SLC27A2: variants seen among roughly 807,000 people sequenced by gnomAD.
The protein encoded by SLC27A2 is long-chain fatty acid transport protein 2.
In SLC27A2, 54 loss-of-function variants were observed where a neutral mutation model predicts 60.0. That is an observed-to-expected ratio of 0.90 (90% CI 0.72 to 1.13). SLC27A2 has a LOEUF of 1.13. Ranked by LOEUF, SLC27A2 falls within the 50% of genes most tolerant of loss-of-function variation. The pLI is 0.00. For synonymous variants in SLC27A2, 297 were observed against 297.6 expected (o/e 1.00, Z 0.02); for missense variants, 739 against 777.6 (o/e 0.95, Z 0.59).
rs11285958 is a variant in SLC27A2, at chr15:50,225,000, T to TA, written c.1168-977dup. Among the ~76,000 whole-genome samples the TA allele has an allele frequency of 6.6e-3, 983 of 147,970 alleles. 4 individuals are homozygous for TA. Among genetic ancestry groups the TA allele is most frequent in the African/African-American group, 0.021 (849 of 40,540 alleles). ...AGTTTTTCTACTTTAAGCAAAACAT[T>TA]AAAAAAAAAAACTTTAAAAACCGGA... On this transcript the variant is annotated intron_variant, in intron 5 of 9. Transcript: ENST00000267842.
In SLC27A2 at chr15:50,182,337, C is replaced by A; in HGVS notation, c.-91C>A. ...CCGCCGCGTGCGCCCCGGCGCAGCC[C>A]GCCAGTCCGCCCGGAGCCCGCCCAG... On this transcript the variant is annotated 5_prime_UTR_variant, in exon 1 of 10. Transcript: ENST00000267842. The A allele has an allele frequency of 7.3e-7, 1 of 1,361,556 alleles. No individual in the cohort carries two copies. The highest frequency in any genetic ancestry group is 9.5e-7 in the Non-Finnish European group (1 of 1,058,104). The allele number at this position is 1,361,556 out of a possible 1,614,324, so 84.3% of individuals were successfully genotyped here. A position where few individuals can be genotyped will look rare whatever the true frequency, so the allele number is the denominator to read the frequency against.
At chr15:50,234,894 C>T (rs748049633) in intron 9 of SLC27A2, among the ~76,000 whole-genome samples, 5 of 152,160 alleles carry the variant, frequency 3.3e-5, no homozygotes, top group African/African-American at 4.8e-5. Flanking sequence ...TGACAGATAG[C>T]GCAAATAGAA....
intron 4 of SLC27A2, among the ~76,000 whole-genome samples, chr15:50,214,392 AAAG>A (rs1425948830): frequency 6.6e-6 from 1 of 152,192 alleles, no homozygotes; most frequent in Non-Finnish European, 1.5e-5. Flanking sequence ...CCAGATGTTC[AAAG>A]AAGAATTGGT....
At chr15:50,195,138 AAAGGTAATTGCCAG>A in intron 1 of SLC27A2, among the ~76,000 whole-genome samples, 1 of 152,194 alleles carries the variant, frequency 6.6e-6, no homozygotes. Flanking sequence ...TTGGTGATGG[AAAGGTAATTGCCAG>A]AAGAAACAGC....
chr15:50,195,654 T>C (rs1002627594), intron 1 of SLC27A2, among the ~76,000 whole-genome samples: 2 of 152,092 alleles, frequency 1.3e-5, no homozygotes, highest in African/African-American at 4.8e-5. Flanking sequence ...GATTAAAATA[T>C]TTTTTTAAAT....
Position 50,226,088 on chromosome 15 carries a change from AC to A in SLC27A2, c.1258+11del. On this transcript the variant is annotated intron_variant, in intron 6 of 9. Transcript: ENST00000267842. ...GTCAGAGTTCCCAAAGGTACAGTGG[AC>A]TTTTGTTCAATCAACCTGTGCCCCT... 6.4e-7 allele frequency: 1 copy of A among 1,563,926 alleles called. No homozygotes were observed. The highest frequency in any genetic ancestry group is 1.7e-5 in the Admixed American group (1 of 59,744).
At chr15:50,185,621 CTTTTTTT>C (rs531026687) in intron 1 of SLC27A2, among the ~76,000 whole-genome samples, 4 of 95,768 alleles carry the variant, frequency 4.2e-5, no homozygotes, top group Non-Finnish European at 8.0e-5. Flanking sequence ...AGGAAGCTTA[CTTTTTTT>C]TTTTTTTTTT....
intron 4 of SLC27A2, among the ~76,000 whole-genome samples, chr15:50,210,107 G>C (rs147154612): frequency 6.6e-6 from 1 of 152,276 alleles, no homozygotes; most frequent in African/African-American, 2.4e-5. Flanking sequence ...GAAAATCTGT[G>C]TAAGAAGTAA....
intron 4 of SLC27A2, among the ~76,000 whole-genome samples, chr15:50,211,611 G>T (rs1014944603): frequency 2.0e-5 from 3 of 152,140 alleles, no homozygotes; most frequent in East Asian, 1.9e-4. Context: ...CACCAGCAAC[G>T]AATCCAAACC....
chr15:50,198,343 C>A (rs932644071), intron 2 of SLC27A2: 3 of 151,848 alleles, frequency 2.0e-5, no homozygotes, highest in African/African-American at 7.3e-5. Flanking sequence ...TTAAGGGTAG[C>A]ATGTGTACTA....
At chr15:50,203,034 T>C (rs1463294557) in intron 3 of SLC27A2, among the ~76,000 whole-genome samples, 4 of 149,232 alleles carry the variant, frequency 2.7e-5, no homozygotes, top group African/African-American at 9.8e-5. Flanking sequence ...TATATATATA[T>C]ATATATAGCC....
intron 2 of SLC27A2, among the ~76,000 whole-genome samples, chr15:50,202,066 A>T (rs2045068681): frequency 6.6e-6 from 1 of 152,228 alleles, no homozygotes; most frequent in Non-Finnish European, 1.5e-5. Flanking sequence ...ACAGGGCAGA[A>T]ATTCAATGGA....
rs781049795 is a variant in SLC27A2, at chr15:50,228,931, G to C, written c.1458-14G>C. On this transcript the variant is annotated splice_polypyrimidine_tract_variant and intron_variant, in intron 7 of 9. Coordinates refer to ENST00000267842, the MANE Select transcript of SLC27A2 (RefSeq NM_003645.4). ...ACCACCAGTGACCTCTGCTAACTTT[G>C]TCCTTTCTTCCAGGTGGAAAGGGGA... is the stretch of plus-strand genomic sequence containing the variant. 2 of 1,593,310 alleles carry C rather than the reference G, an allele frequency of 1.3e-6. No individual in the cohort carries two copies. Among genetic ancestry groups the C allele is most frequent in the Non-Finnish European group, 1.7e-6 (2 of 1,161,050 alleles).
intron 4 of SLC27A2, 98 bp downstream of exon 4, chr15:50,205,461 A>G: frequency 8.0e-7 from 1 of 1,244,582 alleles, no homozygotes; most frequent in East Asian, 2.5e-5. Context: ...TGCATATATC[A>G]GTTTTGAGTT....
intron 3 of SLC27A2, among the ~76,000 whole-genome samples, chr15:50,204,538 C>G (rs2045093582): frequency 6.6e-6 from 1 of 151,890 alleles, no homozygotes; most frequent in African/African-American, 2.4e-5. Context: ...TTGAGACCAT[C>G]CTGGCTAACA....
intron 4 of SLC27A2, among the ~76,000 whole-genome samples, chr15:50,216,687 T>C (rs1440040520): frequency 7.2e-6 from 1 of 138,910 alleles, no homozygotes; most frequent in Admixed American, 7.4e-5. Flanking sequence ...ATGTAATGCC[T>C]CCAGATTTGT....
intron 1 of SLC27A2, among the ~76,000 whole-genome samples, chr15:50,184,785 C>A (rs1029541791): frequency 6.6e-6 from 1 of 151,998 alleles, no homozygotes; most frequent in Non-Finnish European, 1.5e-5. Flanking sequence ...TTCAGTGAGC[C>A]GAGATCATGC....
chr15:50,226,773 A>G (rs1003150951), intron 6 of SLC27A2, among the ~76,000 whole-genome samples: 1 of 152,148 alleles, frequency 6.6e-6, no homozygotes, highest in Non-Finnish European at 1.5e-5. Context: ...GCCATATACA[A>G]TAATGTACAG....
chr15:50,231,961 G>A (rs566491991), intron 8 of SLC27A2, among the ~76,000 whole-genome samples: 49 of 152,360 alleles, frequency 3.2e-4, no homozygotes, highest in African/African-American at 1.1e-3. Context: ...GAGGCTGGAT[G>A]TCCACCTGGG....
Sources: allele counts gnomAD v4.1 joint callset (sites outside exome capture counted in the v4.1 genomes callset), GRCh38; gene constraint gnomAD v4.1.1; transcripts MANE v1.5; gene names NCBI Gene and HGNC (gene_info 2026-07-23, HGNC 2026-07-21).